The following NFATC1 variants were observed in gnomAD, a reference collection of about 807,000 sequenced individuals.
NFATC1 encodes nuclear factor of activated T-cells, cytoplasmic 1.
Under a neutral mutation model 76.0 loss-of-function variants are expected in NFATC1, and 22 were observed. The ratio of observed to expected loss-of-function variants is 0.29; its 90% CI spans 0.21 to 0.41. The LOEUF (loss-of-function observed/expected upper bound fraction) is 0.41. Among genes scored for constraint, NFATC1 ranks in the 10% least tolerant of loss-of-function variants. The pLI, the probability that NFATC1 is intolerant of heterozygous loss-of-function variation, is 1.00. For synonymous variants in NFATC1, 704 were observed against 613.1 expected (o/e 1.15, Z -2.19); for missense variants, 1,357 against 1,337.7 (o/e 1.01, Z -0.23).
At chr18:79,492,690 CAG>C (rs2089716722) in intron 9 of NFATC1, among the ~76,000 whole-genome samples, 1 of 147,298 alleles carries the variant, frequency 6.8e-6, no homozygotes, top group South Asian at 2.1e-4. Context: ...GCCTGGGTGA[CAG>C]AGCGAGACTC....
intron 2 of NFATC1, among the ~76,000 whole-genome samples, chr18:79,413,807 G>A (rs970176622): frequency 4.6e-5 from 7 of 152,184 alleles, no homozygotes; most frequent in African/African-American, 1.7e-4. Flanking sequence ...TTGGACCTGT[G>A]TTTGGTGTGG....
At position 79,510,924 on chromosome 18, in the gene NFATC1, C is replaced by T. The variant is rs1312584376; in HGVS notation, c.2783-16604C>T. Among the ~76,000 whole-genome samples the T allele has an allele frequency of 4.6e-5, 7 of 152,104 alleles. No individual in the cohort carries two copies. In the South Asian group the frequency reaches 6.2e-4, roughly 14 times the overall value. ...GGACATCCTCCACCGGGGGCTCCTCCGCCGGGGCATCCTGCTCCGGGGCAT... is the reference window on the plus strand; with the variant it reads ...GGACATCCTCCACCGGGGGCTCCTCTGCCGGGGCATCCTGCTCCGGGGCAT... On this transcript the variant is annotated intron_variant, in intron 9 of 9. Transcript: ENST00000427363.
chr18:79,461,349 C>A lies in NFATC1; in HGVS notation c.1942C>A (p.Arg648=). 6.7e-7 allele frequency: 1 copy of A among 1,491,336 alleles called. No individual in the cohort carries two copies. The allele number at this position is 1,491,336 out of a possible 1,614,324, so 92.4% of individuals were successfully genotyped here. ...HVWEMEAKTD[R]DLCKPNSLVV... Reference sequence around the variant, plus strand: ...CTGGGAGATGGAAGCGAAAACTGACCGGGACCTGTGCAAGCCGGTGAGTGC... The same window carrying A: ...CTGGGAGATGGAAGCGAAAACTGACAGGGACCTGTGCAAGCCGGTGAGTGC... Residue 648 remains arginine, a synonymous_variant, in exon 7 of 10, where the codon CGG becomes AGG. Coordinates refer to ENST00000427363, the MANE Select transcript of NFATC1 (RefSeq NM_001278669.2).
chr18:79,477,656 G>T (rs183960833), intron 8 of NFATC1, among the ~76,000 whole-genome samples: 1 of 152,230 alleles, frequency 6.6e-6, no homozygotes, highest in Non-Finnish European at 1.5e-5. Context: ...GAAGAAGGGG[G>T]TCCGGGGCAC....
rs772820554 is a variant in NFATC1, at chr18:79,451,066, G to T, written c.1702G>T (p.Val568Phe). The T allele has an allele frequency of 1.2e-6, 2 of 1,613,244 alleles. No homozygotes were observed. The highest frequency in any genetic ancestry group is 1.7e-6 in the Non-Finnish European group (2 of 1,179,972). The change falls in exon 5 of 10, where the codon GTC becomes TTC. Residue 568 changes from valine (V) to phenylalanine (F), a missense_variant. Val to Phe is a conservative substitution (Grantham distance 50, BLOSUM62 -1). Around this residue, in one of 3 missense-constraint regions of NFATC1, gnomAD observed 242 missense variants for 329.2 expected, o/e 0.74. Transcript: ENST00000427363. ...TRVRLVFRVH[V>F]PQPSGRTLSL... ...GGTACGGCTGGTGTTCCGCGTTCAC[G>T]TCCCGCAACCCAGCGGCCGCACGCT...
At chr18:79,471,232 C>T (rs963368546) in intron 8 of NFATC1, among the ~76,000 whole-genome samples, 2 of 152,088 alleles carry the variant, frequency 1.3e-5, no homozygotes, top group Admixed American at 6.5e-5. Context: ...TATTCCAGCA[C>T]GTCAGCATTA....
chr18:79,486,760 C>T lies in NFATC1; in HGVS notation c.2605C>T (p.Pro869Ser). 1 of 1,605,212 alleles carries T rather than the reference C, an allele frequency of 6.2e-7. No individual in the cohort carries two copies. Among genetic ancestry groups the T allele is most frequent in the African/African-American group, 1.3e-5 (1 of 74,910 alleles). Residue 869 changes from proline to serine, a missense_variant, in exon 9 of 10, where the codon CCG (proline) becomes TCG (serine). This residue lies in a region of NFATC1 where 424 missense variants were observed against 395.4 expected (regional missense o/e 1.07). Transcript: ENST00000427363. ...CCTGCAGCCCTGCAGCCCAGCGTGC[C>T]CGCCCGCCACGGGCCGCCCGCAGCA... Reference protein sequence around the residue: ...TCLQPCSPACPPATGRPQHLP... With the variant: ...TCLQPCSPACSPATGRPQHLP...
At chr18:79,485,370 G>C (rs1194581473) in intron 8 of NFATC1, among the ~76,000 whole-genome samples, 1 of 152,256 alleles carries the variant, frequency 6.6e-6, no homozygotes, top group Non-Finnish European at 1.5e-5. Context: ...TAAGTAGCAC[G>C]AGAGGCCTGA....
intron 3 of NFATC1, among the ~76,000 whole-genome samples, chr18:79,438,805 G>T (rs556651494): frequency 6.6e-6 from 1 of 152,200 alleles, no homozygotes; most frequent in Non-Finnish European, 1.5e-5. Context: ...AGCTCAGGAC[G>T]CAGGGTGGGG....
intron 1 of NFATC1, among the ~76,000 whole-genome samples, chr18:79,403,929 G>A (rs8090692): frequency 0.71 from 108,010 of 152,146 alleles, 39,339 homozygotes; most frequent in East Asian, 0.96. Context: ...ATGCTCTGTT[G>A]TTCAAGTTCA....
chr18:79,489,882 G>A (rs574748005), intron 9 of NFATC1, among the ~76,000 whole-genome samples: 99 of 152,342 alleles, frequency 6.5e-4, no homozygotes, highest in African/African-American at 2.2e-3. Flanking sequence ...GTTAGCGTAC[G>A]GCGCTAGGCG....
intron 8 of NFATC1, among the ~76,000 whole-genome samples, chr18:79,478,985 C>T (rs566692506): frequency 6.6e-6 from 1 of 152,316 alleles, no homozygotes; most frequent in East Asian, 1.9e-4. Context: ...TCCCCATGGA[C>T]GCTGGGGCTG....
chr18:79,451,342 G>C (rs901669699), intron 5 of NFATC1, among the ~76,000 whole-genome samples: 4 of 152,262 alleles, frequency 2.6e-5, no homozygotes, highest in Admixed American at 2.6e-4. Flanking sequence ...TCCTCTGATG[G>C]CTGAGCATGG....
intron 1 of NFATC1, among the ~76,000 whole-genome samples, chr18:79,399,538 A>T (rs562462081): frequency 6.6e-6 from 1 of 152,354 alleles, no homozygotes; most frequent in Admixed American, 6.5e-5. Context: ...AGGCAGGCCC[A>T]GGGCGGCCTC....
At chr18:79,405,275 C>T (rs1465083331) in intron 1 of NFATC1, among the ~76,000 whole-genome samples, 1 of 152,226 alleles carries the variant, frequency 6.6e-6, no homozygotes, top group African/African-American at 2.4e-5. Flanking sequence ...CAGCTGTCTC[C>T]CTGCTCACCT....
intron 9 of NFATC1, among the ~76,000 whole-genome samples, chr18:79,508,548 G>A (rs548476567): frequency 1.3e-3 from 196 of 152,246 alleles, no homozygotes; most frequent in African/African-American, 3.9e-3. Context: ...AAATGTGCTC[G>A]AAGGCTCATA....
chr18:79,492,793 G>A (rs1368331056), intron 9 of NFATC1, among the ~76,000 whole-genome samples: 1 of 147,956 alleles, frequency 6.8e-6, no homozygotes, highest in Non-Finnish European at 1.5e-5. Context: ...AGAATCACTC[G>A]AACCTGGGAG....
chr18:79,436,545 G>C (rs1340664354), intron 3 of NFATC1, among the ~76,000 whole-genome samples: 1 of 152,148 alleles, frequency 6.6e-6, no homozygotes, highest in Admixed American at 6.5e-5. Context: ...CGGCGTCCGC[G>C]TCCTCCCACG....
At chr18:79,426,604 C>A (rs950136609) in intron 2 of NFATC1, among the ~76,000 whole-genome samples, 1 of 152,268 alleles carries the variant, frequency 6.6e-6, no homozygotes, top group Non-Finnish European at 1.5e-5. Context: ...GCACCGTCCC[C>A]GGACCCCCAG....
Sources: allele counts gnomAD v4.1 joint callset (sites outside exome capture counted in the v4.1 genomes callset), GRCh38; gene constraint gnomAD v4.1.1; regional missense constraint gnomAD v4.1.1; transcripts MANE v1.5; gene names NCBI Gene and HGNC (gene_info 2026-07-23, HGNC 2026-07-21).